Variants in LNP1 observed in about 807,000 individuals in gnomAD.
LNP1 encodes leukemia NUP98 fusion partner 1.
A neutral mutation model predicts 14.5 loss-of-function variants in LNP1; 12 were observed. The ratio of observed to expected loss-of-function variants is 0.83; its 90% CI spans 0.53 to 1.34. LNP1 has a LOEUF of 1.34. Ranked by LOEUF, LNP1 falls within the 40% of genes most tolerant of loss-of-function variation. The pLI is 0.00. For synonymous variants in LNP1, 75 were observed against 71.4 expected, an observed-to-expected ratio of 1.05 and a Z score of -0.26; for missense variants, 198 against 210.9, an observed-to-expected ratio of 0.94 and a Z score of 0.38.
intron 1 of LNP1, among the ~76,000 whole-genome samples, chr3:100,412,939 A>G (rs1337768003): frequency 1.3e-5 from 2 of 152,208 alleles, no homozygotes; most frequent in African/African-American, 2.4e-5. Context: ...TCAATGCGAA[A>G]TAAAAAGTTG....
chr3:100,416,585 T>C (rs1325450777), intron 1 of LNP1, among the ~76,000 whole-genome samples: 4 of 144,790 alleles, frequency 2.8e-5, no homozygotes, highest in Non-Finnish European at 6.0e-5. Flanking sequence ...AATAATACCT[T>C]GAGTATATCT....
chr3:100,455,945 T>G lies in LNP1; in HGVS notation c.*19T>G. 1 of 1,589,068 alleles carries G rather than the reference T, an allele frequency of 6.3e-7. No homozygotes were observed. Among genetic ancestry groups the G allele is most frequent in the Non-Finnish European group, 8.5e-7 (1 of 1,171,564 alleles). On this transcript the variant is annotated 3_prime_UTR_variant, in exon 4 of 4. Transcript: ENST00000383693. ...TGAATAATACTCTGCTTCTGCCTCA[T>G]GACATCAGATGCTACTGTTTTGGTT... is the stretch of plus-strand genomic sequence containing the variant.
chr3:100,446,652 A>T (rs1480261465), intron 2 of LNP1, among the ~76,000 whole-genome samples: 4 of 152,236 alleles, frequency 2.6e-5, no homozygotes, highest in Non-Finnish European at 5.9e-5. Flanking sequence ...CTACCATCAG[A>T]GTGAAGAGGC....
Position 100,456,000 on chromosome 3 carries a change from AG to A in LNP1, c.*76del. The stretch of plus-strand genomic sequence containing the variant: ...TCTTTGAGCCCCAATTCACCATTTC[AG>A]GATGTGGATGGGGGCGGGGTTGGGG... On this transcript the variant is annotated 3_prime_UTR_variant, in exon 4 of 4. Transcript: ENST00000383693. 4 of 1,508,190 alleles carry A rather than the reference AG, an allele frequency of 2.7e-6. No homozygotes were observed. Among genetic ancestry groups the A allele is most frequent in the Non-Finnish European group, 3.6e-6 (4 of 1,116,642 alleles). 93.4% of individuals were successfully genotyped at this position (1,508,190 alleles called of 1,614,324 possible).
chr3:100,435,068 C>T (rs973221215), intron 2 of LNP1, among the ~76,000 whole-genome samples: 1 of 152,094 alleles, frequency 6.6e-6, no homozygotes, highest in Non-Finnish European at 1.5e-5. Context: ...TCATGATTGG[C>T]AGTGGCTTCT....
chr3:100,447,039 G>A (rs1047704518), intron 2 of LNP1, among the ~76,000 whole-genome samples: 30 of 152,168 alleles, frequency 2.0e-4, no homozygotes, highest in Admixed American at 1.6e-3. Context: ...AAGACAGGGC[G>A]GCAATTCCTC....
chr3:100,439,773 C>T (rs1707328633), intron 2 of LNP1, among the ~76,000 whole-genome samples: 1 of 152,138 alleles, frequency 6.6e-6, no homozygotes, highest in South Asian at 2.1e-4. Flanking sequence ...TTTTGCTCCC[C>T]ATCCTATCCA....
At chr3:100,420,939 T>G (rs763912317) in intron 1 of LNP1, among the ~76,000 whole-genome samples, 1 of 152,158 alleles carries the variant, frequency 6.6e-6, no homozygotes, top group Non-Finnish European at 1.5e-5. Context: ...CAATTTATAT[T>G]TAAGTCTGTG....
chr3:100,445,599 T>C (rs573230991), intron 2 of LNP1, among the ~76,000 whole-genome samples: 2 of 152,330 alleles, frequency 1.3e-5, no homozygotes, highest in South Asian at 2.1e-4. Flanking sequence ...TAAAAAACAT[T>C]TTTAATCTCA....
At chr3:100,415,453 A>G (rs1041532076) in intron 1 of LNP1, among the ~76,000 whole-genome samples, 3 of 152,240 alleles carry the variant, frequency 2.0e-5, no homozygotes, top group Non-Finnish European at 4.4e-5. Flanking sequence ...TTGCATCTAC[A>G]ATATTGGCAA....
chr3:100,406,373 G>A (rs139913049), intron 1 of LNP1, among the ~76,000 whole-genome samples: 24 of 152,146 alleles, frequency 1.6e-4, no homozygotes, highest in African/African-American at 5.5e-4. Context: ...TAAGCCCCAC[G>A]AGGACAGAAA....
intron 2 of LNP1, among the ~76,000 whole-genome samples, chr3:100,434,093 G>T (rs940709845): frequency 1.3e-5 from 2 of 152,036 alleles, no homozygotes; most frequent in Non-Finnish European, 2.9e-5. Context: ...GTCAATTTTG[G>T]CTTCTGTTGC....
chr3:100,440,129 C>CT (rs1707332342), intron 2 of LNP1, among the ~76,000 whole-genome samples: 1 of 152,190 alleles, frequency 6.6e-6, no homozygotes, highest in Admixed American at 6.5e-5. Context: ...GTGAGCAACT[C>CT]TGTTGTCTCT....
intron 2 of LNP1, among the ~76,000 whole-genome samples, chr3:100,444,314 T>C (rs879486503): frequency 1.3e-5 from 2 of 152,216 alleles, no homozygotes; most frequent in Non-Finnish European, 2.9e-5. Flanking sequence ...CACACAATAA[T>C]TTAACCTAAC....
chr3:100,411,815 C>T (rs1236962735), intron 1 of LNP1, among the ~76,000 whole-genome samples: 5 of 152,154 alleles, frequency 3.3e-5, no homozygotes, highest in Non-Finnish European at 7.4e-5. Flanking sequence ...ATTACCTCCC[C>T]AAAGTCCCAT....
At chr3:100,430,549 C>T (rs1349041475) in intron 2 of LNP1, among the ~76,000 whole-genome samples, 1 of 152,206 alleles carries the variant, frequency 6.6e-6, no homozygotes, top group Non-Finnish European at 1.5e-5. Context: ...TCTCTCTGCT[C>T]TACTGGCATG....
At chr3:100,452,679 A>C (rs1399519633) in intron 3 of LNP1, among the ~76,000 whole-genome samples, 1 of 152,228 alleles carries the variant, frequency 6.6e-6, no homozygotes, top group Non-Finnish European at 1.5e-5. Context: ...CTTAAAAAAC[A>C]CAAGAACGAC....
chr3:100,436,460 T>C (rs1331356876), intron 2 of LNP1, among the ~76,000 whole-genome samples: 1 of 152,100 alleles, frequency 6.6e-6, no homozygotes, highest in African/African-American at 2.4e-5. Context: ...ACATACCTAA[T>C]AAGATGCTTT....
At position 100,417,369 on chromosome 3, in the gene LNP1, TTC is replaced by T. The variant is rs1370899242; in HGVS notation, c.-33-12326_-33-12325del. Among the ~76,000 whole-genome samples, 5 of 130,740 alleles carry T rather than the reference TTC, an allele frequency of 3.8e-5. No individual in the cohort carries two copies. The South Asian group carries it at 1.2e-3, about 31-fold the overall frequency. The allele number at this position is 130,740 out of a possible 152,430, so 85.8% of individuals were successfully genotyped here. ...TTCTTTTTCTTTCTTTCTTTCTTTT[TTC>T]TTTTTTTTTTTTTTTTTTTTTTCGA... On this transcript the variant is annotated intron_variant, in intron 1 of 3. Coordinates refer to ENST00000383693, the MANE Select transcript of LNP1 (RefSeq NM_001085451.2).
Sources: allele counts gnomAD v4.1 joint callset (sites outside exome capture counted in the v4.1 genomes callset), GRCh38; gene constraint gnomAD v4.1.1; transcripts MANE v1.5; gene names NCBI Gene and HGNC (gene_info 2026-07-23, HGNC 2026-07-21).